The following LIPA variants were observed in gnomAD, a reference collection of about 807,000 sequenced individuals.
LIPA encodes the protein lysosomal acid lipase/cholesteryl ester hydrolase.
LIPA carries 26 observed loss-of-function variants against 40.6 expected under a neutral mutation model. That is an observed-to-expected ratio of 0.64 (90% confidence interval 0.47 to 0.89). LIPA has a LOEUF of 0.89. Among genes scored for constraint, LIPA ranks in the 40% least tolerant of loss-of-function variants. The pLI is 0.00. For synonymous variants in LIPA, 188 were observed against 168.4 expected, an observed-to-expected ratio of 1.12 and a Z score of -0.90; for missense variants, 455 against 479.6, an observed-to-expected ratio of 0.95 and a Z score of 0.48.
chr10:89,247,607 G>C lies in LIPA; in HGVS notation c.42C>G (p.Leu14=), dbSNP rs1314994550. 2 of 1,613,282 alleles carry C rather than the reference G, an allele frequency of 1.2e-6. No homozygotes were observed. Among genetic ancestry groups the C allele is most frequent in the Non-Finnish European group, 1.7e-6 (2 of 1,179,416 alleles). Residue 14 remains leucine, a synonymous_variant, in exon 2 of 10, where the codon CTC becomes CTG. Transcript: ENST00000336233. ...RFLGLVVCLV[L]WTLHSEGSGG... ...CAGACCCCTCAGAATGCAGGGTCCA[G>C]AGAACCAAACAGACCACCAACCCCA...
intron 1 of LIPA, among the ~76,000 whole-genome samples, chr10:89,311,360 C>CA (rs1191502978): frequency 3.3e-5 from 5 of 150,416 alleles, no homozygotes; most frequent in Admixed American, 2.6e-4. Flanking sequence ...CCATCTCTAC[C>CA]AAAAAAAATA....
At chr10:89,302,563 T>TA (rs1201002020) in intron 1 of LIPA, among the ~76,000 whole-genome samples, 1 of 152,186 alleles carries the variant, frequency 6.6e-6, no homozygotes, top group Non-Finnish European at 1.5e-5. Context: ...CAGATACTGT[T>TA]AAAGATATAC....
At position 89,215,091 on chromosome 10, in the gene LIPA, C is replaced by CGTT. The variant is rs541918885; in HGVS notation, c.967-33_967-31dup. 4.0e-6 allele frequency: 6 copies of CGTT among 1,493,288 alleles called. No homozygotes were observed. In the African/African-American group the frequency reaches 4.1e-5, roughly 10 times the overall value. 92.5% of individuals were successfully genotyped at this position (1,493,288 alleles called of 1,614,324 possible). On this transcript the variant is annotated intron_variant, in intron 9 of 9. Transcript: ENST00000336233. The stretch of plus-strand genomic sequence containing the variant: ...AATGAAAAGGAACCAGAGAAAGCCT[C>CGTT]GTTGTTGTTGTTGTTTTAATTTTCA...
At chr10:89,250,074 CTT>C in intron 1 of LIPA, among the ~76,000 whole-genome samples, 1 of 110,378 alleles carries the variant, frequency 9.1e-6, no homozygotes, top group East Asian at 2.4e-4. Flanking sequence ...TTTCTTTTTT[CTT>C]TTTTCTTTTT....
upstream of LIPA, among the ~76,000 whole-genome samples, chr10:89,255,803 C>T (rs981740597): frequency 2.6e-5 from 4 of 152,162 alleles, no homozygotes; most frequent in African/African-American, 9.7e-5. Flanking sequence ...CTTTTAGAGA[C>T]CTGTGTCAAC....
At chr10:89,315,564 G>A (rs1374149473) in intron 1 of LIPA, among the ~76,000 whole-genome samples, 2 of 140,780 alleles carry the variant, frequency 1.4e-5, no homozygotes, top group African/African-American at 5.5e-5. Context: ...CATCATGGTT[G>A]GGAAGTATTA....
intron 2 of LIPA, chr10:89,393,445 T>C (rs903263803): frequency 1.1e-5 from 6 of 564,974 alleles, no homozygotes; most frequent in East Asian, 7.3e-5. Context: ...TAAAAACCAT[T>C]ACTTAGGCCG....
intron 3 of LIPA, among the ~76,000 whole-genome samples, chr10:89,237,183 G>C (rs528824384): frequency 5.3e-5 from 8 of 152,300 alleles, no homozygotes; most frequent in Non-Finnish European, 8.8e-5. Flanking sequence ...AGAAGGCTGA[G>C]GTGAGAAGAC....
Position 89,245,702 on chromosome 10 carries a change from T to C in LIPA, c.203A>G (p.His68Arg), listed in dbSNP as rs757920082. The stretch of plus-strand genomic sequence containing the variant: ...TTTGTCAGAATGGTTCTTCCTCCCA[T>C]GAGGAATTCGGTTAAGGCACAGAAT... Reference protein sequence around the residue: ...GYILCLNRIPHGRKNHSDKGP... With the variant: ...GYILCLNRIPRGRKNHSDKGP... Residue 68 changes from histidine to arginine, a missense_variant, in exon 3 of 10, where the codon CAT becomes CGT. Physicochemically the swap from His to Arg is conservative, Grantham distance 29. Transcript: ENST00000336233. 1.6e-5 allele frequency: 25 copies of C among 1,588,328 alleles called. No homozygotes were observed. The Admixed American group carries it at 4.2e-4, about 26-fold the overall frequency.
chr10:89,252,275 A>T (rs2133479365), upstream of LIPA, among the ~76,000 whole-genome samples: 1 of 152,358 alleles, frequency 6.6e-6, no homozygotes, highest in South Asian at 2.1e-4. Flanking sequence ...AAAAGAGGAA[A>T]CAATATTCAA....
chr10:89,328,349 T>C (rs1306835152), intron 1 of LIPA, among the ~76,000 whole-genome samples: 1 of 152,194 alleles, frequency 6.6e-6, no homozygotes, highest in East Asian at 1.9e-4. Context: ...GTTTCCTCCC[T>C]GTGTGCAGCT....
upstream of LIPA, among the ~76,000 whole-genome samples, chr10:89,255,766 G>T (rs2133483810): frequency 6.6e-6 from 1 of 152,250 alleles, no homozygotes; most frequent in Non-Finnish European, 1.5e-5. Flanking sequence ...TTAGGAGTTT[G>T]TTCTAGATGT....
chr10:89,408,501 A>G (rs1367289528), intron 2 of LIPA, among the ~76,000 whole-genome samples: 1 of 152,194 alleles, frequency 6.6e-6, no homozygotes, highest in Non-Finnish European at 1.5e-5. Flanking sequence ...CCTGCCCAGA[A>G]GGAAATAAGC....
chr10:89,319,975 T>G (rs576828494), intron 1 of LIPA, among the ~76,000 whole-genome samples: 1 of 152,196 alleles, frequency 6.6e-6, no homozygotes, highest in African/African-American at 2.4e-5. Context: ...ACCACATGAT[T>G]ATCTCAATAG....
intron 1 of LIPA, among the ~76,000 whole-genome samples, chr10:89,298,816 T>C (rs1297100796): frequency 6.6e-6 from 1 of 151,752 alleles, no homozygotes; most frequent in Non-Finnish European, 1.5e-5. Context: ...TGAAAACCCA[T>C]CTCTACTAAA....
upstream of LIPA, among the ~76,000 whole-genome samples, chr10:89,343,717 G>A (rs78614287): frequency 1.7e-4 from 26 of 152,282 alleles, no homozygotes; most frequent in East Asian, 4.8e-3. Context: ...AACTAACTTA[G>A]AGGAGCAGGG....
At chr10:89,382,167 T>C (rs1844168449) in intron 2 of LIPA, among the ~76,000 whole-genome samples, 1 of 152,226 alleles carries the variant, frequency 6.6e-6, no homozygotes, top group Admixed American at 6.5e-5. Flanking sequence ...TATGGTTATA[T>C]TGAGTCAGGA....
chr10:89,382,182 T>A (rs973378109), intron 2 of LIPA, among the ~76,000 whole-genome samples: 2 of 152,218 alleles, frequency 1.3e-5, no homozygotes, highest in Non-Finnish European at 2.9e-5. Context: ...TCAGGATTTA[T>A]ATAAAAATTG....
intron 1 of LIPA, among the ~76,000 whole-genome samples, chr10:89,251,428 G>C (rs1843118851): frequency 6.6e-6 from 1 of 152,212 alleles, no homozygotes; most frequent in South Asian, 2.1e-4. Flanking sequence ...TGTCCTCGCG[G>C]TCCAGGAGCA....
Sources: gnomAD v4.1 joint callset for allele counts (sites outside exome capture counted in the v4.1 genomes callset) on GRCh38, gnomAD v4.1.1 for gene constraint, MANE v1.5 for transcripts, NCBI Gene and HGNC (gene_info 2026-07-23, HGNC 2026-07-21) for gene names.